Variants in ANKEF1 observed in about 807,000 individuals in gnomAD.
ANKEF1 encodes the protein ankyrin repeat and EF-hand domain-containing protein 1.
A neutral mutation model predicts 65.1 loss-of-function variants in ANKEF1; 43 were observed. The observed-to-expected ratio is 0.66, with a 90% CI of 0.52 to 0.85. The LOEUF is 0.85. ANKEF1 is among the 40% of genes least tolerant of loss of function. ANKEF1 has a pLI of 0.00. For missense variants in ANKEF1, 934 were observed against 952.9 expected (o/e 0.98, Z 0.26); for synonymous variants, 316 against 341.5 (o/e 0.93, Z 0.82).
At position 10,043,124 on chromosome 20, in the gene ANKEF1, G is replaced by A; in HGVS notation, c.349G>A (p.Val117Ile). 1.2e-6 allele frequency: 2 copies of A among 1,613,902 alleles called. No homozygotes were observed. The highest frequency in any genetic ancestry group is 1.1e-5 in the South Asian group (1 of 91,048). The stretch of plus-strand genomic sequence containing the variant: ...CTGGGGATTTTATTTCTCTGCAGGT[G>A]TTTTGTTTTACTGCATTTTACCGAC... ...MTIVDNEGKG[V>I]LFYCILPTKR... Residue 117 changes from valine (V) to isoleucine (I), a missense_variant and splice_region_variant, in exon 4 of 11, where the codon GTT becomes ATT. Transcript: ENST00000378392.
intron 4 of ANKEF1, 66 bp downstream of exon 4, chr20:10,043,387 T>A (rs1984314524): frequency 6.9e-7 from 1 of 1,448,500 alleles, no homozygotes; most frequent in Non-Finnish European, 9.6e-7. Context: ...ATCTTTTCAT[T>A]TAAATATGAT....
intron 4 of ANKEF1, 65 bp from the exon 5 acceptor site, chr20:10,044,329 A>C: frequency 6.4e-7 from 1 of 1,551,306 alleles, no homozygotes; most frequent in South Asian, 1.2e-5. Context: ...CTGTATTTGT[A>C]CTGATTCTGC....
chr20:10,049,467 A>C lies in ANKEF1; in HGVS notation c.898A>C (p.Ser300Arg), dbSNP rs972898520. Residue 300 changes from serine (S) to arginine (R), a missense_variant, in exon 7 of 11, where the codon AGC becomes CGC. Physicochemically the swap from Ser to Arg is moderately radical, Grantham distance 110. Transcript: ENST00000378392. ...VAKEGGFKAA[S>R]KEIRRAERIA... is the part of the protein sequence containing the mutation. ...TAAGGAAGGCGGCTTCAAAGCAGCA[A>C]GCAAAGAAATACGCCGAGCAGAGAG... 6.8e-6 allele frequency: 11 copies of C among 1,614,084 alleles called. No individual in the cohort carries two copies. The highest frequency in any genetic ancestry group is 9.3e-6 in the Non-Finnish European group (11 of 1,180,022).
rs766973371 is a variant in ANKEF1 at position 10,038,648 on chromosome 20, G to A, written c.346+1G>A. The A allele has an allele frequency of 4.4e-6, 7 of 1,581,128 alleles. No homozygotes were observed. Among genetic ancestry groups the A allele is most frequent in the South Asian group, 1.1e-5 (1 of 87,924 alleles). On this transcript the variant is annotated splice_donor_variant, in intron 3 of 10. Coordinates refer to ENST00000378392, the MANE Select transcript of ANKEF1 (RefSeq NM_022096.6). LOFTEE classifies it high-confidence loss of function. ...ACTATAGTTGATAATGAAGGAAAAG[G>A]TAAAAATCCCGACATCCTCTCCAGC...
chr20:10,053,091 T>C, intron 8 of ANKEF1, 21 bp from the exon 9 acceptor site: 2 of 1,564,372 alleles, frequency 1.3e-6, no homozygotes, highest in African/African-American at 1.4e-5. Flanking sequence ...TCACTCTGAA[T>C]TTATGTTTAT....
Position 10,054,484 on chromosome 20 carries a change from G to T in ANKEF1, c.2057G>T (p.Gly686Val), listed in dbSNP as rs1600526745. 6.3e-7 allele frequency: 1 copy of T among 1,578,448 alleles called. No homozygotes were observed. The highest frequency in any genetic ancestry group is 8.6e-7 in the Non-Finnish European group (1 of 1,167,582). The change falls in exon 10 of 11, where the codon GGT (glycine) becomes GTT (valine). Residue 686 changes from glycine to valine, a missense_variant. By Grantham distance (109) the Gly-to-Val change is moderately radical. Transcript: ENST00000378392. ...CAGGAACTGCTGTCATCAATTTATG[G>T]TGTACCAACCACATCAGAGGGAAAG... ...KEEELLSSIY[G>V]VPTTSEGKKV...
rs1417106472 is a variant in ANKEF1, at chr20:10,056,503, T to TAGAC, written c.*846_*847insCAGA. 1.5e-4 allele frequency: 23 copies of TAGAC among 150,600 alleles called. No homozygotes were observed. The highest frequency in any genetic ancestry group is 3.1e-4 in the Non-Finnish European group (21 of 67,528). The allele number at this position is 150,600 out of a possible 1,614,324, so 9.3% of individuals were successfully genotyped here. ...GATAGATAGATAGATAGATGATAGATAGATAGATAGATAGATAGATAGATA... is the reference window on the plus strand; with the variant it reads ...GATAGATAGATAGATAGATGATAGATAGACAGATAGATAGATAGATAGATAGATA... On this transcript the variant is annotated 3_prime_UTR_variant, in exon 11 of 11. Coordinates refer to ENST00000378392, the MANE Select transcript of ANKEF1 (RefSeq NM_022096.6).
chr20:10,049,181 A>G lies in ANKEF1; in HGVS notation c.821-209A>G, dbSNP rs933779621. Among the ~76,000 whole-genome samples, 4 of 152,246 alleles carry G rather than the reference A, an allele frequency of 2.6e-5. No homozygotes were observed. In the South Asian group the frequency reaches 8.3e-4, roughly 31 times the overall value. On this transcript the variant is annotated intron_variant, in intron 6 of 10. Coordinates refer to ENST00000378392, the MANE Select transcript of ANKEF1 (RefSeq NM_022096.6). ...TAAATTGTAAACGTATCTTCTTCAGAATTCACCAAAGTGATGCTCACAGAA... is the reference window on the plus strand; with the variant it reads ...TAAATTGTAAACGTATCTTCTTCAGGATTCACCAAAGTGATGCTCACAGAA...
rs1216309918 is a variant in ANKEF1 at position 10,049,895 on chromosome 20, G to A, written c.1326G>A (p.Ala442=). 1.9e-6 allele frequency: 3 copies of A among 1,614,046 alleles called. No homozygotes were observed. Among genetic ancestry groups the A allele is most frequent in the African/African-American group, 1.3e-5 (1 of 74,924 alleles). The part of the protein sequence containing the change: ...PLPICVIPEY[A]FPRRQDGGPP... ...CAATCTGTGTCATTCCTGAGTACGCGTTTCCACGCCGGCAGGATGGTGGGC... is the reference window on the plus strand; with the variant it reads ...CAATCTGTGTCATTCCTGAGTACGCATTTCCACGCCGGCAGGATGGTGGGC... The change falls in exon 7 of 11, where the codon GCG becomes GCA. Residue 442 remains alanine, a synonymous_variant. Coordinates refer to ENST00000378392, the MANE Select transcript of ANKEF1 (RefSeq NM_022096.6).
Position 10,038,480 on chromosome 20 carries a change from A to G in ANKEF1, c.179A>G (p.Asp60Gly). Reference protein sequence around the residue: ...SALHLASVSNDIDMVSFLLDL... With the variant: ...SALHLASVSNGIDMVSFLLDL... ...TTGCACTTAGCCTCAGTTTCCAATG[A>G]TATTGATATGGTCAGCTTTCTCCTT... Residue 60 changes from aspartate (D) to glycine (G), a missense_variant, in exon 3 of 11, where the codon GAT (aspartate) becomes GGT (glycine). Asp to Gly is a moderately conservative substitution (Grantham distance 94). Transcript: ENST00000378392. 6.2e-7 allele frequency: 1 copy of G among 1,614,230 alleles called. No individual in the cohort carries two copies. Among genetic ancestry groups the G allele is most frequent in the South Asian group, 1.1e-5 (1 of 91,082 alleles).
At chr20:10,051,254 T>C (rs1984841491) in intron 7 of ANKEF1, among the ~76,000 whole-genome samples, 1 of 152,212 alleles carries the variant, frequency 6.6e-6, no homozygotes, top group Admixed American at 6.5e-5. Flanking sequence ...GAATATGAAC[T>C]TCTGGACAGT....
In ANKEF1 at chr20:10,049,359, C is replaced by T. The variant is rs545543499; in HGVS notation, c.821-31C>T. 4.5e-6 allele frequency: 7 copies of T among 1,567,322 alleles called. No homozygotes were observed. In the African/African-American group the frequency reaches 6.8e-5, roughly 15 times the overall value. On this transcript the variant is annotated intron_variant, in intron 6 of 10. Transcript: ENST00000378392. The stretch of plus-strand genomic sequence containing the variant: ...TATAGCCATGCAAATGCCTTGGCAC[C>T]ATTCATAATTAATGATGCTTTATGT...
intron 2 of ANKEF1, among the ~76,000 whole-genome samples, chr20:10,037,767 A>T (rs1983943085): frequency 6.6e-6 from 1 of 152,232 alleles, no homozygotes; most frequent in South Asian, 2.1e-4. Context: ...CATCTTTTCC[A>T]CTTAAGATGA....
rs574583994 is a variant in ANKEF1 at position 10,055,673 on chromosome 20, AT to A, written c.*16del. ...CTTGAAGACCTAAGTCATAGCAGTT[AT>A]TTCTTGGGGTAAATGCTTTGAGGCC... On this transcript the variant is annotated 3_prime_UTR_variant, in exon 11 of 11. Coordinates refer to ENST00000378392, the MANE Select transcript of ANKEF1 (RefSeq NM_022096.6). 7.6e-3 allele frequency: 12,183 copies of A among 1,613,496 alleles called. 204 individuals are homozygous for A. The highest frequency in any genetic ancestry group is 0.049 in the South Asian group (4,450 of 91,048).
Position 10,053,814 on chromosome 20 carries a change from G to T in ANKEF1, c.2034+539G>T, listed in dbSNP as rs141584826. On this transcript the variant is annotated intron_variant, in intron 9 of 10. Coordinates refer to ENST00000378392, the MANE Select transcript of ANKEF1 (RefSeq NM_022096.6). ...CTCTAGAATATCCTGCAAAATGGTTGTAGGTTTTCAACGTTTCTGGTAATC... is the reference window on the plus strand; with the variant it reads ...CTCTAGAATATCCTGCAAAATGGTTTTAGGTTTTCAACGTTTCTGGTAATC... Among the ~76,000 whole-genome samples the T allele has an allele frequency of 4.6e-4, 70 of 152,266 alleles. No individual in the cohort carries two copies. In the East Asian group the frequency reaches 0.012, roughly 26 times the overall value.
In ANKEF1 at chr20:10,055,644, C is replaced by T. The variant is rs753831929; in HGVS notation, c.2315C>T (p.Ala772Val). ...ACAGAGAAAGCTCGAGCACTGGAAG[C>T]TGCCTTGAAGACCTAAGTCATAGCA... is the stretch of plus-strand genomic sequence containing the variant. The part of the protein sequence containing the change: ...NITEKARALE[A>V]ALKT Residue 772 changes from alanine (A) to valine (V), a missense_variant, in exon 11 of 11, where the codon GCT (alanine) becomes GTT (valine). By Grantham distance (64) the Ala-to-Val change is moderately conservative. Transcript: ENST00000378392. 1 of 1,613,768 alleles carries T rather than the reference C, an allele frequency of 6.2e-7. No individual in the cohort carries two copies. Among genetic ancestry groups the T allele is most frequent in the South Asian group, 1.1e-5 (1 of 91,056 alleles).
At position 10,057,430 on chromosome 20, in the gene ANKEF1, A is replaced by T. The variant is rs1310363849; in HGVS notation, c.*1770A>T. ...TTTGTTTTGACATAATTTCATATTTATGGAAAAGTTGCAATAATTTGACAA... is the reference window on the plus strand; with the variant it reads ...TTTGTTTTGACATAATTTCATATTTTTGGAAAAGTTGCAATAATTTGACAA... On this transcript the variant is annotated 3_prime_UTR_variant, in exon 11 of 11. Coordinates refer to ENST00000378392, the MANE Select transcript of ANKEF1 (RefSeq NM_022096.6). The T allele has an allele frequency of 1.3e-5, 2 of 152,150 alleles. No individual in the cohort carries two copies. Among genetic ancestry groups the T allele is most frequent in the Non-Finnish European group, 1.5e-5 (1 of 68,018 alleles). The allele number at this position is 152,150 out of a possible 1,614,324, so 9.4% of individuals were successfully genotyped here.
rs1025339810 is a variant in ANKEF1 at position 10,057,319 on chromosome 20, G to A, written c.*1659G>A. Reference sequence around the variant, plus strand: ...TGAACAGGGGTTGCTTACAAGCATTGCATTTGGATCCCAAGATTTGCTATT... The same window carrying A: ...TGAACAGGGGTTGCTTACAAGCATTACATTTGGATCCCAAGATTTGCTATT... On this transcript the variant is annotated 3_prime_UTR_variant, in exon 11 of 11. Coordinates refer to ENST00000378392, the MANE Select transcript of ANKEF1 (RefSeq NM_022096.6). 3 of 152,198 alleles carry A rather than the reference G, an allele frequency of 2.0e-5. No homozygotes were observed. The highest frequency in any genetic ancestry group is 7.2e-5 in the African/African-American group (3 of 41,456). The allele number at this position is 152,198 out of a possible 1,614,324, so 9.4% of individuals were successfully genotyped here.
chr20:10,054,656 CA>C, intron 10 of ANKEF1, 57 bp downstream of exon 10: 13 of 1,529,174 alleles, frequency 8.5e-6, no homozygotes, highest in Non-Finnish European at 1.1e-5. Context: ...GTCATTTTTT[CA>C]AAAGCTTTTT....
Sources: allele counts gnomAD v4.1 joint callset (sites outside exome capture counted in the v4.1 genomes callset), GRCh38; gene constraint gnomAD v4.1.1; transcripts MANE v1.5; gene names NCBI Gene and HGNC (gene_info 2026-07-23, HGNC 2026-07-21).